The following DLGAP2 variants were observed in gnomAD, a reference collection of about 807,000 sequenced individuals.
The protein encoded by DLGAP2 is DLG associated protein 2, also known as disks large-associated protein 2.
A neutral mutation model predicts 100.3 loss-of-function variants in DLGAP2; 26 were observed. The ratio of observed to expected loss-of-function variants is 0.26; its 90% CI spans 0.19 to 0.36. The LOEUF is 0.36. Among genes scored for constraint, DLGAP2 ranks in the 10% least tolerant of loss-of-function variants. The pLI, the probability that DLGAP2 is intolerant of heterozygous loss-of-function variation, is 1.00. For synonymous variants in DLGAP2, 886 were observed against 630.1 expected (o/e 1.41, Z -6.08); for missense variants, 1,858 against 1,453.2 (o/e 1.28, Z -4.53).
At chr8:1,479,593 C>T (rs1799033197) in intron 3 of DLGAP2, among the ~76,000 whole-genome samples, 1 of 152,110 alleles carries the variant, frequency 6.6e-6, no homozygotes, top group African/African-American at 2.4e-5. Flanking sequence ...CCCTGCTTAT[C>T]GATTCTTGAA....
At chr8:1,495,307 G>T (rs967884557) in intron 3 of DLGAP2, among the ~76,000 whole-genome samples, 1 of 152,160 alleles carries the variant, frequency 6.6e-6, no homozygotes, top group African/African-American at 2.4e-5. Context: ...ATGCCCGGCA[G>T]CTGTGGGGGA....
At chr8:1,386,791 A>G (rs1473373579) in intron 3 of DLGAP2, among the ~76,000 whole-genome samples, 1 of 152,174 alleles carries the variant, frequency 6.6e-6, no homozygotes, top group Non-Finnish European at 1.5e-5. Flanking sequence ...AGATCCAAAG[A>G]AAAAAAGGAT....
chr8:759,593 C>T (rs1225094670), intron 1 of DLGAP2, among the ~76,000 whole-genome samples: 1 of 152,030 alleles, frequency 6.6e-6, no homozygotes, highest in African/African-American at 2.4e-5. Context: ...TGTGGGGCTC[C>T]CCCCTGGGCT....
intron 4 of DLGAP2, among the ~76,000 whole-genome samples, chr8:1,521,925 G>A (rs1348629852): frequency 1.6e-5 from 2 of 124,922 alleles, no homozygotes; most frequent in African/African-American, 3.3e-5. Flanking sequence ...TGGGGCATCT[G>A]GTTTGCACAC....
Position 1,437,137 on chromosome 8 carries a change from C to G in DLGAP2, c.107-64229C>G, listed in dbSNP as rs528751772. ...TCAGCCCAGGCGCGTAAGGGTGACG[C>G]CATCCGGGTCTGCGTTCAGCGCAGG... On this transcript the variant is annotated intron_variant, in intron 3 of 14. Transcript: ENST00000637795. Among the ~76,000 whole-genome samples, 586 of 149,824 alleles carry G rather than the reference C, an allele frequency of 3.9e-3. 10 individuals carry two copies. Among genetic ancestry groups the G allele is most frequent in the Middle Eastern group, 0.014 (4 of 290 alleles).
intron 2 of DLGAP2, among the ~76,000 whole-genome samples, chr8:983,558 G>A (rs539596899): frequency 3.3e-5 from 5 of 152,300 alleles, no homozygotes; most frequent in Admixed American, 2.0e-4. Context: ...GATATGTCAC[G>A]TAACTTCCCT....
chr8:1,040,800 A>C (rs1802324726), intron 2 of DLGAP2, among the ~76,000 whole-genome samples: 2 of 152,120 alleles, frequency 1.3e-5, no homozygotes, highest in East Asian at 1.9e-4. Context: ...ATCCAGCAGG[A>C]GCGCAGAGTC....
chr8:1,456,569 T>C (rs1438840375), intron 3 of DLGAP2, among the ~76,000 whole-genome samples: 1 of 152,174 alleles, frequency 6.6e-6, no homozygotes, highest in Non-Finnish European at 1.5e-5. Context: ...AAAATTATTA[T>C]CAGAAGCATC....
chr8:1,124,039 T>C (rs1796109695), intron 2 of DLGAP2, among the ~76,000 whole-genome samples: 1 of 152,172 alleles, frequency 6.6e-6, no homozygotes, highest in African/African-American at 2.4e-5. Context: ...CAGCCCTTCA[T>C]TTTCCCTGTA....
chr8:1,173,895 C>T (rs1021051220), intron 2 of DLGAP2, among the ~76,000 whole-genome samples: 58 of 152,340 alleles, frequency 3.8e-4, no homozygotes, highest in African/African-American at 2.4e-4. Context: ...CACTGACCTG[C>T]GCCCACCTCT....
chr8:1,498,902 G>C (rs1051486965), intron 3 of DLGAP2, among the ~76,000 whole-genome samples: 4 of 152,150 alleles, frequency 2.6e-5, no homozygotes, highest in African/African-American at 7.2e-5. Context: ...AGCTCTCCCA[G>C]CTAGAAGGCC....
chr8:1,241,481 G>A (rs73670688), intron 2 of DLGAP2, among the ~76,000 whole-genome samples: 3,076 of 152,254 alleles, frequency 0.02, 118 homozygotes, highest in African/African-American at 0.07. Context: ...CTTCCTTGAC[G>A]TTACTGCAGT....
chr8:1,534,581 A>G (rs1801090790), intron 4 of DLGAP2, among the ~76,000 whole-genome samples: 1 of 152,246 alleles, frequency 6.6e-6, no homozygotes, highest in Non-Finnish European at 1.5e-5. Context: ...GTACCAATCA[A>G]AAGACATCTA....
intron 7 of DLGAP2, among the ~76,000 whole-genome samples, chr8:1,628,539 T>C (rs1236292128): frequency 6.7e-6 from 1 of 150,368 alleles, no homozygotes; most frequent in Non-Finnish European, 1.5e-5. Context: ...CCTCACATTC[T>C]GTCTGACTTA....
intron 1 of DLGAP2, among the ~76,000 whole-genome samples, chr8:830,146 AT>A (rs1250131222): frequency 1.3e-5 from 2 of 152,076 alleles, no homozygotes; most frequent in Non-Finnish European, 2.9e-5. Context: ...TTTGCTTTTT[AT>A]TTAATTTTTT....
In DLGAP2 at chr8:806,641, C is replaced by T. The variant is rs866053228; in HGVS notation, c.18+68816C>T. On this transcript the variant is annotated intron_variant, in intron 1 of 14. Coordinates refer to ENST00000637795, the MANE Select transcript of DLGAP2 (RefSeq NM_001346810.2). ...CTGCTCCTGGGGTCCCTGCTGACCCCTTCGGGGCCAGCGCTCCATTTCCTT... is the reference window on the plus strand; with the variant it reads ...CTGCTCCTGGGGTCCCTGCTGACCCTTTCGGGGCCAGCGCTCCATTTCCTT... 1.8e-4 allele frequency among the ~76,000 whole-genome samples: 28 copies of T among 152,308 alleles called. No individual in the cohort carries two copies. In the Middle Eastern group the frequency reaches 0.017, roughly 93 times the overall value.
At chr8:1,523,949 C>T (rs1019515708) in intron 4 of DLGAP2, among the ~76,000 whole-genome samples, 4 of 152,184 alleles carry the variant, frequency 2.6e-5, no homozygotes, top group African/African-American at 9.6e-5. Context: ...GTGGGGAAAA[C>T]AAACATCTGA....
intron 6 of DLGAP2, among the ~76,000 whole-genome samples, chr8:1,574,415 C>G (rs945370835): frequency 7.9e-5 from 12 of 152,082 alleles, no homozygotes; most frequent in African/African-American, 2.4e-4. Flanking sequence ...GATGAAGACC[C>G]TGTCTCAGCG....
intron 2 of DLGAP2, among the ~76,000 whole-genome samples, chr8:974,142 A>G (rs1800102798): frequency 6.6e-6 from 1 of 152,220 alleles, no homozygotes; most frequent in Non-Finnish European, 1.5e-5. Flanking sequence ...AACTAATGGT[A>G]AGACACCAAA....
Sources: gnomAD v4.1 joint callset for allele counts (sites outside exome capture counted in the v4.1 genomes callset) on GRCh38, gnomAD v4.1.1 for gene constraint, MANE v1.5 for transcripts, NCBI Gene and HGNC (gene_info 2026-07-23, HGNC 2026-07-21) for gene names.